The following ZNF563 variants were observed in gnomAD, a reference collection of about 807,000 sequenced individuals.
ZNF563 encodes zinc finger protein 563.
A neutral mutation model predicts 48.5 loss-of-function variants in ZNF563; 39 were observed. The observed-to-expected ratio is 0.80, with a 90% confidence interval of 0.62 to 1.05. ZNF563 has a LOEUF of 1.05. Among genes scored for constraint, ZNF563 ranks in the 50% least tolerant of loss-of-function variants. The probability of loss-of-function intolerance (pLI) is 0.00; values close to 1 mark genes in which losing one functional copy is unlikely to be tolerated. For missense variants in ZNF563, 538 were observed against 597.0 expected, an observed-to-expected ratio of 0.90 and a Z score of 1.03; for synonymous variants, 168 against 187.9, an observed-to-expected ratio of 0.89 and a Z score of 0.87.
At chr19:12,335,460 T>C (rs1969008634), upstream of ZNF563, among the ~76,000 whole-genome samples, 1 of 152,220 alleles carries the variant, frequency 6.6e-6, no homozygotes. Context: ...GGGGCTTCCC[T>C]GGGCCACATT....
chr19:12,319,849 A>T lies in ZNF563; in HGVS notation c.192-16T>A, dbSNP rs1465287793. On this transcript the variant is annotated splice_polypyrimidine_tract_variant and intron_variant, in intron 3 of 3. Transcript: ENST00000293725. ...CATATGACATCTGTAAAAAATGAGT[A>T]GTACGTTACTAAATAGTTGTTTCTA... 1 of 1,597,050 alleles carries T rather than the reference A, an allele frequency of 6.3e-7. No individual in the cohort carries two copies.
At chr19:12,331,299 C>A (rs1370741734) in intron 1 of ZNF563, among the ~76,000 whole-genome samples, 1 of 152,134 alleles carries the variant, frequency 6.6e-6, no homozygotes, top group African/African-American at 2.4e-5. Context: ...CAGGTCAGGT[C>A]CTCCTGTCAC....
intron 1 of ZNF563, among the ~76,000 whole-genome samples, chr19:12,327,429 C>T (rs1968820982): frequency 1.4e-5 from 2 of 140,974 alleles, no homozygotes; most frequent in Non-Finnish European, 3.0e-5. Flanking sequence ...CACTGCATTC[C>T]AGCCTGGGCG....
In ZNF563 at chr19:12,318,613, T is replaced by C; in HGVS notation, c.1412A>G (p.His471Arg). 5 of 1,613,530 alleles carry C rather than the reference T, an allele frequency of 3.1e-6. No homozygotes were observed. The highest frequency in any genetic ancestry group is 4.2e-6 in the Non-Finnish European group (5 of 1,179,684). ...PSVCQRHEKT[H>R]WRETI ...TTACATTCATATTGTTTCTCTCCAGTGAGTCTTTTCATGTCTTTGACATAC... is the reference window on the plus strand; with the variant it reads ...TTACATTCATATTGTTTCTCTCCAGCGAGTCTTTTCATGTCTTTGACATAC... The change falls in exon 4 of 4, where the codon CAC (histidine) becomes CGC (arginine). Residue 471 changes from histidine (H) to arginine (R), a missense_variant. By Grantham distance (29) the His-to-Arg change is conservative. Coordinates refer to ENST00000293725, the MANE Select transcript of ZNF563 (RefSeq NM_145276.3).
chr19:12,319,750 A>G lies in ZNF563; in HGVS notation c.275T>C (p.Val92Ala). ...TTCTCCAGGACAAATGCTGTTGTTC[A>G]CAATACTATCTCGAATGAGGCTAAA... is the stretch of plus-strand genomic sequence containing the variant. ...ETFSLIRDSI[V>A]NNSICPGEDP... Residue 92 changes from valine to alanine, a missense_variant, in exon 4 of 4, where the codon GTG (valine) becomes GCG (alanine). Val to Ala is a moderately conservative substitution (Grantham distance 64). Coordinates refer to ENST00000293725, the MANE Select transcript of ZNF563 (RefSeq NM_145276.3). 6.2e-7 allele frequency: 1 copy of G among 1,614,148 alleles called. No homozygotes were observed. The highest frequency in any genetic ancestry group is 8.5e-7 in the Non-Finnish European group (1 of 1,180,030).
the ZNF563 span, among the ~76,000 whole-genome samples, chr19:12,344,757 G>T: frequency 6.6e-6 from 1 of 152,082 alleles, no homozygotes; most frequent in Non-Finnish European, 1.5e-5. Flanking sequence ...ATCCAAATTG[G>T]AGAGAAAGAA....
the ZNF563 span, among the ~76,000 whole-genome samples, chr19:12,343,780 G>A: frequency 6.8e-6 from 1 of 147,006 alleles, no homozygotes; most frequent in Non-Finnish European, 1.5e-5. Flanking sequence ...GCCCAGGCTG[G>A]AGTACAGTGG....
At position 12,319,760 on chromosome 19, in the gene ZNF563, C is replaced by A. The variant is rs546845741; in HGVS notation, c.265G>T (p.Asp89Tyr). 2 of 1,614,116 alleles carry A rather than the reference C, an allele frequency of 1.2e-6. No homozygotes were observed. Among genetic ancestry groups the A allele is most frequent in the Non-Finnish European group, 1.7e-6 (2 of 1,180,022 alleles). The change falls in exon 4 of 4, where the codon GAT becomes TAT. Residue 89 changes from aspartate (D) to tyrosine (Y), a missense_variant. Physicochemically the swap from Asp to Tyr is radical, Grantham distance 160. Coordinates refer to ENST00000293725, the MANE Select transcript of ZNF563 (RefSeq NM_145276.3). The stretch of plus-strand genomic sequence containing the variant: ...CAAATGCTGTTGTTCACAATACTAT[C>A]TCGAATGAGGCTAAATGTTTCTCCA... Reference protein sequence around the residue: ...QCGETFSLIRDSIVNNSICPG... With the variant: ...QCGETFSLIRYSIVNNSICPG...
intron 3 of ZNF563, among the ~76,000 whole-genome samples, 192 bp from the exon 4 acceptor site, chr19:12,320,025 T>G (rs575609962): frequency 1.3e-5 from 2 of 151,978 alleles, no homozygotes; most frequent in Non-Finnish European, 2.9e-5. Context: ...CAAGCGATTC[T>G]CCTGCCTCAG....
At chr19:12,341,396 A>T in the ZNF563 span, among the ~76,000 whole-genome samples, 1 of 152,228 alleles carries the variant, frequency 6.6e-6, no homozygotes, top group Non-Finnish European at 1.5e-5. Context: ...AAAATGAATT[A>T]AACTCACCAA....
In ZNF563 at chr19:12,318,452, T is replaced by G; in HGVS notation, c.*142A>C. On this transcript the variant is annotated 3_prime_UTR_variant, in exon 4 of 4. Coordinates refer to ENST00000293725, the MANE Select transcript of ZNF563 (RefSeq NM_145276.3). The stretch of plus-strand genomic sequence containing the variant: ...TATATCATACAGCATCTCTCCAGTG[T>G]GAGATATTTCATGATTTTGAAAGGA... 28 of 930,952 alleles carry G rather than the reference T, an allele frequency of 3.0e-5. No individual in the cohort carries two copies. Among genetic ancestry groups the G allele is most frequent in the Non-Finnish European group, 4.3e-5 (27 of 630,320 alleles). The allele number at this position is 930,952 out of a possible 1,614,324, so 57.7% of individuals were successfully genotyped here. A position where few individuals can be genotyped will look rare whatever the true frequency, so the allele number is the denominator to read the frequency against.
chr19:12,327,459 CA>C (rs35937081), intron 1 of ZNF563, among the ~76,000 whole-genome samples: 21,549 of 71,524 alleles, frequency 0.3, 1,159 homozygotes, highest in East Asian at 0.37. Context: ...CACTCCATCT[CA>C]AAAAAAAAAA....
At chr19:12,341,533 T>G in the ZNF563 span, among the ~76,000 whole-genome samples, 1 of 152,136 alleles carries the variant, frequency 6.6e-6, no homozygotes, top group Admixed American at 6.6e-5. Flanking sequence ...AAATATTCCA[T>G]GCAAATAGTA....
upstream of ZNF563, among the ~76,000 whole-genome samples, chr19:12,334,526 C>T (rs974354663): frequency 1.3e-5 from 2 of 152,116 alleles, no homozygotes; most frequent in Admixed American, 1.3e-4. Flanking sequence ...TGTGGAAATG[C>T]CCCCACCGTC....
intron 1 of ZNF563, among the ~76,000 whole-genome samples, chr19:12,328,314 G>T (rs1270857222): frequency 6.6e-6 from 1 of 152,140 alleles, no homozygotes; most frequent in East Asian, 1.9e-4. Flanking sequence ...CTCTATAAAA[G>T]TATAAACATT....
chr19:12,336,488 A>G (rs1314714512), upstream of ZNF563, among the ~76,000 whole-genome samples: 4 of 152,176 alleles, frequency 2.6e-5, no homozygotes, highest in Non-Finnish European at 5.9e-5. Flanking sequence ...GCTACTCAGG[A>G]GGCTGAGGCA....
At chr19:12,324,102 A>G (rs918587425) in intron 1 of ZNF563, among the ~76,000 whole-genome samples, 2 of 152,174 alleles carry the variant, frequency 1.3e-5, no homozygotes, top group African/African-American at 4.8e-5. Flanking sequence ...TCATGCCTGT[A>G]ATCTCAGTAC....
At chr19:12,324,187 G>A (rs1002068443) in intron 1 of ZNF563, among the ~76,000 whole-genome samples, 1 of 151,940 alleles carries the variant, frequency 6.6e-6, no homozygotes, top group African/African-American at 2.4e-5. Context: ...GCGAAACCCT[G>A]TCTCTGCAAA....
chr19:12,333,706 G>A, upstream of ZNF563: 1 of 589,082 alleles, frequency 1.7e-6, no homozygotes, highest in South Asian at 2.4e-5. Context: ...TGCCAGCCGT[G>A]CGCCTGATTG....
Sources: allele counts gnomAD v4.1 joint callset (sites outside exome capture counted in the v4.1 genomes callset), GRCh38; gene constraint gnomAD v4.1.1; transcripts MANE v1.5; gene names NCBI Gene and HGNC (gene_info 2026-07-23, HGNC 2026-07-21).